Variants in COL24A1 observed in about 807,000 individuals in gnomAD.
The protein encoded by COL24A1 is collagen alpha-1(XXIV) chain.
Under a neutral mutation model 253.9 loss-of-function variants are expected in COL24A1, and 224 were observed. The observed-to-expected ratio is 0.88, with a 90% CI of 0.79 to 0.99. The LOEUF is 0.99. COL24A1 is among the 50% of genes least tolerant of loss of function. The pLI is 0.00. For synonymous variants in COL24A1, 685 were observed against 673.7 expected (o/e 1.02, Z -0.26); for missense variants, 2,131 against 2,068.5 (o/e 1.03, Z -0.59).
At chr1:86,105,714 G>T (rs757821754) in intron 5 of COL24A1, among the ~76,000 whole-genome samples, 2 of 152,162 alleles carry the variant, frequency 1.3e-5, no homozygotes, top group Non-Finnish European at 2.9e-5. Context: ...GCTGAGTGCT[G>T]CTCCTACCAC....
rs12095823 is a variant in COL24A1 at position 85,849,014 on chromosome 1, T to G, written c.3354+339A>C. The stretch of plus-strand genomic sequence containing the variant: ...CATTCTCTTCCCTCAAATACTTTAC[T>G]AAAGTTGTCATTGAAAAGCACAAAT... On this transcript the variant is annotated intron_variant, in intron 38 of 59. Coordinates refer to ENST00000370571, the MANE Select transcript of COL24A1 (RefSeq NM_152890.7). Among the ~76,000 whole-genome samples the G allele has an allele frequency of 3.1e-3, 469 of 152,330 alleles. 1 individual carries two copies. Among genetic ancestry groups the G allele is most frequent in the African/African-American group, 0.011 (447 of 41,574 alleles).
At chr1:86,051,969 G>GA (rs536998756) in intron 10 of COL24A1, among the ~76,000 whole-genome samples, 2 of 151,778 alleles carry the variant, frequency 1.3e-5, no homozygotes, top group South Asian at 4.2e-4. Flanking sequence ...AGCTCATAGA[G>GA]AAAAAAAGTC....
intron 31 of COL24A1, among the ~76,000 whole-genome samples, chr1:85,893,090 G>A (rs1683295513): frequency 6.6e-6 from 1 of 151,996 alleles, no homozygotes; most frequent in African/African-American, 2.4e-5. Context: ...TAAAACACAA[G>A]GTCCAACTAT....
At chr1:85,824,367 T>C (rs1673989796) in intron 43 of COL24A1, among the ~76,000 whole-genome samples, 1 of 152,246 alleles carries the variant, frequency 6.6e-6, no homozygotes, top group Non-Finnish European at 1.5e-5. Flanking sequence ...TCTATTGTTG[T>C]AAGCCACCCA....
intron 25 of COL24A1, among the ~76,000 whole-genome samples, chr1:85,910,594 A>C (rs184339904): frequency 2.0e-3 from 297 of 152,120 alleles, no homozygotes; most frequent in Admixed American, 3.6e-3. Context: ...ATTGGGTGAA[A>C]AAAATTATAA....
At chr1:86,122,781 G>A (rs143130100) in intron 3 of COL24A1, among the ~76,000 whole-genome samples, 58 of 151,998 alleles carry the variant, frequency 3.8e-4, no homozygotes, top group African/African-American at 1.3e-3. Context: ...CCTAGATAAT[G>A]TTCTAGTCCT....
chr1:86,034,008 A>G lies in COL24A1; in HGVS notation c.1951-85T>C, dbSNP rs1223452982. 2.9e-6 allele frequency: 3 copies of G among 1,047,446 alleles called. No individual in the cohort carries two copies. In the East Asian group the frequency reaches 9.0e-5, roughly 31 times the overall value. 64.9% of individuals were successfully genotyped at this position (1,047,446 alleles called of 1,614,324 possible). ...TTCTAACAAAGAATTTAGTAATAGAAAATATTAATTTCCTAACTCTTAAAC... is the reference window on the plus strand; with the variant it reads ...TTCTAACAAAGAATTTAGTAATAGAGAATATTAATTTCCTAACTCTTAAAC... On this transcript the variant is annotated intron_variant, in intron 12 of 59. Transcript: ENST00000370571.
intron 2 of COL24A1, among the ~76,000 whole-genome samples, chr1:86,127,054 T>C (rs1252178895): frequency 6.6e-6 from 1 of 152,152 alleles, no homozygotes; most frequent in Non-Finnish European, 1.5e-5. Context: ...GCTTTCCCAA[T>C]GCCTACTACC....
Position 86,126,008 on chromosome 1 carries a change from T to A in COL24A1, c.328A>T (p.Thr110Ser). Residue 110 changes from threonine to serine, a missense_variant, in exon 3 of 60, where the codon ACT becomes TCT. Physicochemically the swap from Thr to Ser is moderately conservative, Grantham distance 58 (BLOSUM62 1). Transcript: ENST00000370571. ...VNLGQPFTIL[T>S]GLQSHRVNNA... ...TTCACCCGATGTGACTGTAACCCAG[T>A]TAATATTGTAAACGGCTGCCCCAAG... 1 of 1,613,646 alleles carries A rather than the reference T, an allele frequency of 6.2e-7. No homozygotes were observed.
intron 20 of COL24A1, 114 bp downstream of exon 20, chr1:85,987,487 C>A (rs1693824683): frequency 1.0e-6 from 1 of 954,610 alleles, no homozygotes; most frequent in Non-Finnish European, 1.6e-6. Flanking sequence ...CCTGAGACAG[C>A]TTAAAAATAT....
At chr1:86,057,194 AC>A (rs1373114686) in intron 10 of COL24A1, among the ~76,000 whole-genome samples, 6 of 151,542 alleles carry the variant, frequency 4.0e-5, no homozygotes, top group Non-Finnish European at 8.8e-5. Context: ...AGTGTCTGGG[AC>A]CTTCCGTTTT....
chr1:86,082,079 A>G lies in COL24A1; in HGVS notation c.1707+7095T>C, dbSNP rs548603112. Reference sequence around the variant, plus strand: ...TGTATAATCACCCCCACTCTCTATCATAAGCCTCCTTTCACAAACTTTTAG... The same window carrying G: ...TGTATAATCACCCCCACTCTCTATCGTAAGCCTCCTTTCACAAACTTTTAG... On this transcript the variant is annotated intron_variant, in intron 7 of 59. Transcript: ENST00000370571. 3.0e-3 allele frequency among the ~76,000 whole-genome samples: 463 copies of G among 152,230 alleles called. 1 individual carries two copies. Among genetic ancestry groups the G allele is most frequent in the African/African-American group, 9.1e-3 (379 of 41,546 alleles).
At chr1:86,155,227 G>T (rs974748393) in intron 1 of COL24A1, 1 of 151,986 alleles carries the variant, frequency 6.6e-6, no homozygotes, top group African/African-American at 2.4e-5. Flanking sequence ...TCCAGGGGTC[G>T]GAAGAGAGCG....
At chr1:85,965,438 T>C (rs1446339372) in intron 22 of COL24A1, among the ~76,000 whole-genome samples, 1 of 152,062 alleles carries the variant, frequency 6.6e-6, no homozygotes, top group African/African-American at 2.4e-5. Flanking sequence ...GGGAGTTTTA[T>C]TGAAAGTGTT....
intron 24 of COL24A1, among the ~76,000 whole-genome samples, chr1:85,950,963 G>A (rs180828900): frequency 3.7e-4 from 57 of 152,280 alleles, no homozygotes; most frequent in Admixed American, 2.5e-3. Flanking sequence ...GTACAGTTCT[G>A]CAAACGCTCC....
chr1:85,869,522 AAG>A (rs775635939), intron 35 of COL24A1, among the ~76,000 whole-genome samples: 4 of 152,224 alleles, frequency 2.6e-5, no homozygotes, highest in Non-Finnish European at 5.9e-5. Context: ...TAGAAGCCAG[AAG>A]AGAGTGGGGG....
chr1:85,916,738 A>G (rs1685936427), intron 24 of COL24A1, among the ~76,000 whole-genome samples: 1 of 152,210 alleles, frequency 6.6e-6, no homozygotes. Flanking sequence ...ATCTGATAAT[A>G]CCACAAGTGT....
chr1:86,130,186 G>A (rs1648944722), intron 2 of COL24A1, among the ~76,000 whole-genome samples: 1 of 151,734 alleles, frequency 6.6e-6, no homozygotes, highest in Non-Finnish European at 1.5e-5. Context: ...TCCCTCATCT[G>A]ACTTTCTTTT....
intron 53 of COL24A1, among the ~76,000 whole-genome samples, chr1:85,766,121 T>A (rs1367373830): frequency 6.6e-6 from 1 of 151,792 alleles, no homozygotes; most frequent in African/African-American, 2.4e-5. Context: ...ATCCCAGCAC[T>A]TTGGGAGGCT....
Sources: gnomAD v4.1 joint callset for allele counts (sites outside exome capture counted in the v4.1 genomes callset) on GRCh38, gnomAD v4.1.1 for gene constraint, MANE v1.5 for transcripts, NCBI Gene and HGNC (gene_info 2026-07-23, HGNC 2026-07-21) for gene names.